The following RCBTB2 variants were observed in gnomAD, a reference collection of about 807,000 sequenced individuals.
The protein encoded by RCBTB2 is RCC1 and BTB domain-containing protein 2.
Under a neutral mutation model 65.4 loss-of-function variants are expected in RCBTB2, and 55 were observed. The ratio of observed to expected loss-of-function variants is 0.84; its 90% CI spans 0.68 to 1.05. RCBTB2 has a LOEUF of 1.05. Among genes scored for constraint, RCBTB2 ranks in the 50% least tolerant of loss-of-function variants. RCBTB2 has a pLI of 0.00. For missense variants in RCBTB2, 599 were observed against 680.1 expected (o/e 0.88, Z 1.33); for synonymous variants, 220 against 255.2 (o/e 0.86, Z 1.31).
intron 14 of RCBTB2, among the ~76,000 whole-genome samples, chr13:48,493,531 T>G (rs1460361725): frequency 6.6e-6 from 1 of 151,764 alleles, no homozygotes; most frequent in Admixed American, 6.6e-5. Context: ...CCCTGCCTCC[T>G]CCCACACACG....
Position 48,521,882 on chromosome 13 carries a change from A to G in RCBTB2, c.42+16T>C. 6.2e-7 allele frequency: 1 copy of G among 1,613,020 alleles called. No homozygotes were observed. ...AACAGAACACACATGCTCCAAGGGC[A>G]TGATTTTTTTCTAACCTTGCCACTG... On this transcript the variant is annotated intron_variant, in intron 4 of 14. Coordinates refer to ENST00000344532, the MANE Select transcript of RCBTB2 (RefSeq NM_001268.4).
chr13:48,501,589 T>C (rs1203129823), intron 12 of RCBTB2, among the ~76,000 whole-genome samples, 153 bp downstream of exon 12: 1 of 152,212 alleles, frequency 6.6e-6, no homozygotes, highest in Non-Finnish European at 1.5e-5. Context: ...TCTTGTTTCA[T>C]GTATATTTCT....
At chr13:48,504,303 A>G (rs898945114) in intron 10 of RCBTB2, 1 of 985,408 alleles carries the variant, frequency 1.0e-6, no homozygotes, top group Non-Finnish European at 1.2e-6. Context: ...CTTCTCTCAG[A>G]TAAAATCCTG....
At chr13:48,510,951 T>A (rs534226066) in intron 9 of RCBTB2, among the ~76,000 whole-genome samples, 180 bp from the exon 10 acceptor site, 1 of 152,310 alleles carries the variant, frequency 6.6e-6, no homozygotes, top group African/African-American at 2.4e-5. Flanking sequence ...GCAGTAAGAT[T>A]GCCATGAGTA....
At position 48,499,776 on chromosome 13, in the gene RCBTB2, A is replaced by C; in HGVS notation, c.1245-16T>G. 1 of 1,614,068 alleles carries C rather than the reference A, an allele frequency of 6.2e-7. No homozygotes were observed. The highest frequency in any genetic ancestry group is 2.2e-5 in the East Asian group (1 of 44,886). On this transcript the variant is annotated splice_polypyrimidine_tract_variant and intron_variant, in intron 12 of 14. Transcript: ENST00000344532. ...ATGCTCACATCTGAAGGAAAAAAGC[A>C]GTATGTCAGGTCCTAGCTTCCCAGC...
chr13:48,502,045 A>G (rs557788920), intron 11 of RCBTB2, among the ~76,000 whole-genome samples, 177 bp from the exon 12 acceptor site: 1 of 152,378 alleles, frequency 6.6e-6, no homozygotes, highest in African/African-American at 2.4e-5. Context: ...AATCATTAAG[A>G]ATAAGAATCT....
intron 10 of RCBTB2, 81 bp downstream of exon 10, chr13:48,510,548 C>A: frequency 7.0e-7 from 1 of 1,435,768 alleles, no homozygotes; most frequent in South Asian, 1.3e-5. Flanking sequence ...GTACATTCCC[C>A]ACCATTCTCT....
At chr13:48,516,140 C>A (rs997652302) in intron 4 of RCBTB2, among the ~76,000 whole-genome samples, 7 of 152,242 alleles carry the variant, frequency 4.6e-5, no homozygotes, top group Non-Finnish European at 1.0e-4. Context: ...CATCTGCTCT[C>A]TAAGTCAAGA....
Position 48,510,698 on chromosome 13 carries a change from TAAGAATTGGCGCCCC to T in RCBTB2, c.842_856del (p.Trp281_Ser285del), listed in dbSNP as rs754967057. Reference sequence around the variant, plus strand: ...TTTATTGCCAGTGCCCAACTGCCCATAAGAATTGGCGCCCCAAGCATACACTTGGCCTTCATCTGT... The same window carrying T: ...TTTATTGCCAGTGCCCAACTGCCCATAAGCATACACTTGGCCTTCATCTGT... On this transcript the variant is annotated inframe_deletion, in exon 10 of 15. Coordinates refer to ENST00000344532, the MANE Select transcript of RCBTB2 (RefSeq NM_001268.4). 7 of 1,614,140 alleles carry T rather than the reference TAAGAATTGGCGCCCC, an allele frequency of 4.3e-6. No homozygotes were observed.
intron 14 of RCBTB2, 93 bp downstream of exon 14, chr13:48,496,098 T>C: frequency 8.3e-7 from 1 of 1,207,142 alleles, no homozygotes; most frequent in Non-Finnish European, 1.1e-6. Flanking sequence ...AAATATTTCC[T>C]CTACCCAGAC....
chr13:48,531,847 A>C (rs1350655650), intron 1 of RCBTB2, among the ~76,000 whole-genome samples: 1 of 152,188 alleles, frequency 6.6e-6, no homozygotes, highest in Non-Finnish European at 1.5e-5. Flanking sequence ...CATTGTTAGA[A>C]ACTCTTCACA....
intron 1 of RCBTB2, among the ~76,000 whole-genome samples, chr13:48,527,320 C>CATATATATATATG (rs1951799169): frequency 1.3e-4 from 10 of 77,860 alleles, no homozygotes; most frequent in African/African-American, 5.7e-4. Flanking sequence ...TGACTTGGCT[C>CATATATATATATG]ATATATATAT....
At chr13:48,506,257 G>A (rs972804192) in intron 10 of RCBTB2, among the ~76,000 whole-genome samples, 13 of 152,352 alleles carry the variant, frequency 8.5e-5, no homozygotes, top group Admixed American at 3.9e-4. Context: ...GGAGGGCAAT[G>A]AGGCTTGCCA....
In RCBTB2 at chr13:48,510,556, T is replaced by C; in HGVS notation, c.926+73A>G. On this transcript the variant is annotated intron_variant, in intron 10 of 14. Coordinates refer to ENST00000344532, the MANE Select transcript of RCBTB2 (RefSeq NM_001268.4). ...ACTAGCAGTACATTCCCCACCATTC[T>C]CTATATATCTAAGTCCTGTTTAATC... 2.7e-6 allele frequency: 4 copies of C among 1,462,996 alleles called. No individual in the cohort carries two copies. In the Admixed American group the frequency reaches 5.4e-5, roughly 20 times the overall value. The allele number at this position is 1,462,996 out of a possible 1,614,324, so 90.6% of individuals were successfully genotyped here. A position where few individuals can be genotyped will look rare whatever the true frequency, so the allele number is the denominator to read the frequency against.
chr13:48,510,560 T>C lies in RCBTB2; in HGVS notation c.926+69A>G, dbSNP rs927206081. 9 of 1,499,120 alleles carry C rather than the reference T, an allele frequency of 6.0e-6. No homozygotes were observed. The African/African-American group carries it at 9.7e-5, about 16-fold the overall frequency. 92.9% of individuals were successfully genotyped at this position (1,499,120 alleles called of 1,614,324 possible). On this transcript the variant is annotated intron_variant, in intron 10 of 14. Coordinates refer to ENST00000344532, the MANE Select transcript of RCBTB2 (RefSeq NM_001268.4). ...GCAGTACATTCCCCACCATTCTCTATATATCTAAGTCCTGTTTAATCACAA... is the reference window on the plus strand; with the variant it reads ...GCAGTACATTCCCCACCATTCTCTACATATCTAAGTCCTGTTTAATCACAA...
chr13:48,502,469 G>A (rs185441493), intron 11 of RCBTB2, among the ~76,000 whole-genome samples: 5 of 151,956 alleles, frequency 3.3e-5, no homozygotes, highest in Non-Finnish European at 5.9e-5. Flanking sequence ...CTCCAGCCTG[G>A]GCAACAGAGC....
At chr13:48,499,934 A>G (rs1950158686) in intron 12 of RCBTB2, among the ~76,000 whole-genome samples, 174 bp from the exon 13 acceptor site, 1 of 152,236 alleles carries the variant, frequency 6.6e-6, no homozygotes, top group Non-Finnish European at 1.5e-5. Flanking sequence ...GGCTGTATAT[A>G]CAAACCTGCT....
intron 14 of RCBTB2, among the ~76,000 whole-genome samples, chr13:48,492,802 T>C (rs1224423698): frequency 6.6e-6 from 1 of 152,154 alleles, no homozygotes. Flanking sequence ...AAGCACAGAG[T>C]GCTCAGGACT....
In RCBTB2 at chr13:48,512,305, G is replaced by A. The variant is rs1291415208; in HGVS notation, c.517-131C>T. On this transcript the variant is annotated intron_variant, in intron 7 of 14. Coordinates refer to ENST00000344532, the MANE Select transcript of RCBTB2 (RefSeq NM_001268.4). ...CACATTCATAAATCCTCACAACACA[G>A]GCAGAGAAGTGTTTATAAAATGCAT... 5.6e-6 allele frequency: 4 copies of A among 719,524 alleles called. No homozygotes were observed. In the East Asian group the frequency reaches 1.1e-4, roughly 19 times the overall value. The allele number at this position is 719,524 out of a possible 1,614,324, so 44.6% of individuals were successfully genotyped here. A position where few individuals can be genotyped will look rare whatever the true frequency, so the allele number is the denominator to read the frequency against.
Sources: gnomAD v4.1 joint callset for allele counts (sites outside exome capture counted in the v4.1 genomes callset) on GRCh38, gnomAD v4.1.1 for gene constraint, MANE v1.5 for transcripts, NCBI Gene and HGNC (gene_info 2026-07-23, HGNC 2026-07-21) for gene names.